PARD3: variants seen among roughly 807,000 people sequenced by gnomAD.
PARD3 encodes par-3 family cell polarity regulator.
Under a neutral mutation model 155.4 loss-of-function variants are expected in PARD3, and 75 were observed. The observed-to-expected ratio is 0.48, with a 90% confidence interval of 0.40 to 0.58. The LOEUF (loss-of-function observed/expected upper bound fraction) is 0.58. Among genes scored for constraint, PARD3 ranks in the 20% least tolerant of loss-of-function variants. The pLI is 0.00. For synonymous variants in PARD3, 576 were observed against 610.5 expected (o/e 0.94, Z 0.83); for missense variants, 1,642 against 1,721.7 (o/e 0.95, Z 0.82).
intron 2 of PARD3, among the ~76,000 whole-genome samples, chr10:34,588,910 A>G (rs559253624): frequency 2.0e-5 from 3 of 152,340 alleles, no homozygotes; most frequent in African/African-American, 7.2e-5. Flanking sequence ...TCTGAGGGGT[A>G]CTGCTCTATT....
chr10:34,484,490 C>T (rs1251898864), intron 3 of PARD3, among the ~76,000 whole-genome samples: 1 of 152,158 alleles, frequency 6.6e-6, no homozygotes, highest in African/African-American at 2.4e-5. Context: ...TTTCATTGCT[C>T]CTCTCGAGTA....
intron 22 of PARD3, among the ~76,000 whole-genome samples, chr10:34,194,515 G>A (rs1265065386): frequency 6.6e-6 from 1 of 152,018 alleles, no homozygotes; most frequent in Non-Finnish European, 1.5e-5. Context: ...AACAAATTAG[G>A]GAATTTATGC....
intron 1 of PARD3, among the ~76,000 whole-genome samples, chr10:34,739,458 G>A (rs562119478): frequency 5.1e-4 from 77 of 152,268 alleles, no homozygotes; most frequent in Middle Eastern, 3.4e-3. Flanking sequence ...CAAGATAAGC[G>A]TCCACCTGAC....
At chr10:34,621,453 C>G (rs1408764711) in intron 2 of PARD3, among the ~76,000 whole-genome samples, 1 of 152,046 alleles carries the variant, frequency 6.6e-6, no homozygotes, top group Non-Finnish European at 1.5e-5. Context: ...CACGCTCGGC[C>G]TCCCAAGGTG....
intron 2 of PARD3, among the ~76,000 whole-genome samples, chr10:34,569,896 CAA>C (rs35199552): frequency 6.8e-5 from 9 of 132,498 alleles, no homozygotes; most frequent in Non-Finnish European, 6.3e-5. Context: ...CCTACTCAAG[CAA>C]AAAAAAAAAA....
At chr10:34,711,325 G>A (rs1277872857) in intron 1 of PARD3, among the ~76,000 whole-genome samples, 1 of 152,148 alleles carries the variant, frequency 6.6e-6, no homozygotes, top group Non-Finnish European at 1.5e-5. Flanking sequence ...TTTGATACCA[G>A]CCTGGCCAAC....
chr10:34,152,063 G>A (rs1189909643), intron 22 of PARD3, among the ~76,000 whole-genome samples: 1 of 152,112 alleles, frequency 6.6e-6, no homozygotes, highest in African/African-American at 2.4e-5. Context: ...AGAGGTCTTA[G>A]ATCCGAGTTC....
At chr10:34,785,502 T>C (rs886377779) in intron 1 of PARD3, among the ~76,000 whole-genome samples, 2 of 152,006 alleles carry the variant, frequency 1.3e-5, no homozygotes, top group South Asian at 2.1e-4. Flanking sequence ...TCCCAGCACT[T>C]TGGGAGGCTG....
chr10:34,788,714 A>G (rs1218649097), intron 1 of PARD3, among the ~76,000 whole-genome samples: 6 of 152,144 alleles, frequency 3.9e-5, no homozygotes, highest in Non-Finnish European at 8.8e-5. Context: ...CTCTCATACA[A>G]TCTTCAAGGA....
chr10:34,758,261 C>A (rs925206201), intron 1 of PARD3, among the ~76,000 whole-genome samples: 219 of 152,288 alleles, frequency 1.4e-3, no homozygotes, highest in African/African-American at 5.0e-3. Flanking sequence ...CAACAATTTC[C>A]ACATGCCACT....
At chr10:34,493,732 C>CA (rs140921203) in intron 3 of PARD3, among the ~76,000 whole-genome samples, 9,194 of 131,890 alleles carry the variant, frequency 0.07, 965 homozygotes, top group African/African-American at 0.24. Flanking sequence ...AACTCTGTCT[C>CA]AAAAAAAAAA....
intron 7 of PARD3, among the ~76,000 whole-genome samples, chr10:34,395,311 A>C (rs1045846106): frequency 3.9e-5 from 6 of 152,176 alleles, no homozygotes; most frequent in Admixed American, 2.0e-4. Context: ...CTAGGATTAC[A>C]GGCGTGAGCC....
intron 3 of PARD3, among the ~76,000 whole-genome samples, chr10:34,512,357 T>G (rs1027520596): frequency 2.6e-5 from 4 of 152,324 alleles, no homozygotes; most frequent in East Asian, 3.9e-4. Flanking sequence ...CACTCATGCA[T>G]GTATTGCTGT....
chr10:34,479,459 A>G (rs773999), intron 3 of PARD3, among the ~76,000 whole-genome samples: 78,033 of 152,046 alleles, frequency 0.51, 23,658 homozygotes, highest in African/African-American at 0.86. Flanking sequence ...GAGCCACGGC[A>G]CCCAGCCTTT....
chr10:34,119,455 G>A (rs971027941), intron 24 of PARD3, among the ~76,000 whole-genome samples, 158 bp downstream of exon 24: 7 of 151,470 alleles, frequency 4.6e-5, no homozygotes, highest in Non-Finnish European at 1.0e-4. Flanking sequence ...AGCCCCCCAC[G>A]CTAAGGAACA....
intron 2 of PARD3, among the ~76,000 whole-genome samples, chr10:34,674,607 C>T (rs1003950016): frequency 1.4e-4 from 21 of 151,460 alleles, no homozygotes; most frequent in African/African-American, 4.9e-4. Flanking sequence ...CTGCCTCAGG[C>T]TCCCAAGTAG....
intron 2 of PARD3, among the ~76,000 whole-genome samples, chr10:34,567,921 C>G (rs77832565): frequency 4.6e-5 from 7 of 152,288 alleles, no homozygotes; most frequent in African/African-American, 1.7e-4. Context: ...TAGTTCACTA[C>G]GAGGAACGTG....
At chr10:34,238,910 C>T (rs1176640132) in intron 22 of PARD3, among the ~76,000 whole-genome samples, 1 of 152,156 alleles carries the variant, frequency 6.6e-6, no homozygotes, top group African/African-American at 2.4e-5. Flanking sequence ...TTTAAATATA[C>T]ATAACTTCAG....
chr10:34,697,771 T>TCACA (rs145318885), intron 1 of PARD3, among the ~76,000 whole-genome samples: 87 of 150,308 alleles, frequency 5.8e-4, no homozygotes, highest in Middle Eastern at 3.5e-3. Context: ...AAACAAACAC[T>TCACA]CACACACACA....
Sources: allele counts gnomAD v4.1 joint callset (sites outside exome capture counted in the v4.1 genomes callset), GRCh38; gene constraint gnomAD v4.1.1; transcripts MANE v1.5; gene names NCBI Gene and HGNC (gene_info 2026-07-23, HGNC 2026-07-21).